The following MEIS2 variants were observed in gnomAD, a reference collection of about 807,000 sequenced individuals.
MEIS2 encodes homeobox protein Meis2.
Under a neutral mutation model 58.6 loss-of-function variants are expected in MEIS2, and 9 were observed. That is an observed-to-expected ratio of 0.15 (90% CI 0.09 to 0.27). The LOEUF (loss-of-function observed/expected upper bound fraction) is 0.27. Ranked by LOEUF, MEIS2 falls within the 10% of genes least tolerant of loss-of-function variation. MEIS2 has a pLI of 1.00. For synonymous variants in MEIS2, 221 were observed against 228.4 expected (o/e 0.97, Z 0.29); for missense variants, 427 against 635.0 (o/e 0.67, Z 3.52).
chr15:36,940,620 G>A (rs987258382), intron 9 of MEIS2, among the ~76,000 whole-genome samples: 17 of 152,094 alleles, frequency 1.1e-4, no homozygotes, highest in Non-Finnish European at 2.2e-4. Context: ...CACATAACTC[G>A]GTTGACTAAA....
At chr15:36,932,602 T>C (rs1445622346) in intron 9 of MEIS2, among the ~76,000 whole-genome samples, 2 of 152,214 alleles carry the variant, frequency 1.3e-5, no homozygotes, top group African/African-American at 2.4e-5. Flanking sequence ...TTTTTGGATT[T>C]AATTGTTAGA....
intron 9 of MEIS2, among the ~76,000 whole-genome samples, chr15:36,937,281 A>C (rs2058212167): frequency 6.6e-6 from 1 of 152,206 alleles, no homozygotes. Context: ...GTCACTCTAG[A>C]CAACCTTGAC....
chr15:37,097,810 A>T (rs1596138065), intron 2 of MEIS2, among the ~76,000 whole-genome samples, 157 bp downstream of exon 2: 1 of 152,168 alleles, frequency 6.6e-6, no homozygotes, highest in East Asian at 1.9e-4. Flanking sequence ...GCAGAAGAGC[A>T]GGCCCCCTCC....
chr15:36,953,999 TATC>T (rs1371798495), intron 8 of MEIS2, among the ~76,000 whole-genome samples: 3 of 152,190 alleles, frequency 2.0e-5, no homozygotes, highest in Non-Finnish European at 4.4e-5. Flanking sequence ...GAAACCAATT[TATC>T]ATAAACTTTA....
rs1476998866 is a variant in MEIS2, at chr15:36,995,980, TATATATATATATATATATA to T, written c.900+40815_900+40833del. Among the ~76,000 whole-genome samples the T allele has an allele frequency of 5.5e-3, 345 of 62,280 alleles. 4 individuals carry two copies. The highest frequency in any genetic ancestry group is 0.011 in the Non-Finnish European group (289 of 26,088). The allele number at this position is 62,280 out of a possible 152,430, so 40.9% of individuals were successfully genotyped here. A position where few individuals can be genotyped will look rare whatever the true frequency, so the allele number is the denominator to read the frequency against. On this transcript the variant is annotated intron_variant, in intron 8 of 11. Transcript: ENST00000561208. ...AGATATATATATATATATATATATATATATATATATATATATATATATGTATATATATATACATATGTGT... is the reference window on the plus strand; with the variant it reads ...AGATATATATATATATATATATATATTATGTATATATATATACATATGTGT...
At chr15:36,957,499 C>G (rs915497197) in intron 8 of MEIS2, among the ~76,000 whole-genome samples, 3 of 152,124 alleles carry the variant, frequency 2.0e-5, no homozygotes, top group African/African-American at 7.2e-5. Context: ...CATGTCCAAG[C>G]CCTACTAATC....
chr15:37,032,698 C>T (rs757404193), intron 8 of MEIS2, among the ~76,000 whole-genome samples: 3 of 151,968 alleles, frequency 2.0e-5, no homozygotes, highest in South Asian at 2.1e-4. Flanking sequence ...AAAGTTTTTG[C>T]TAGTTGAATT....
intron 9 of MEIS2, among the ~76,000 whole-genome samples, chr15:36,938,238 A>G (rs2058246769): frequency 6.6e-6 from 1 of 152,138 alleles, no homozygotes; most frequent in African/African-American, 2.4e-5. Context: ...CAGGACTGCA[A>G]TAACATCTAT....
At chr15:37,001,797 A>T (rs1351122559) in intron 8 of MEIS2, among the ~76,000 whole-genome samples, 1 of 152,204 alleles carries the variant, frequency 6.6e-6, no homozygotes, top group African/African-American at 2.4e-5. Flanking sequence ...CATCCATGGC[A>T]ATAGTTTATA....
intron 11 of MEIS2, chr15:36,894,901 CT>C: frequency 8.7e-7 from 1 of 1,143,848 alleles, no homozygotes; most frequent in Non-Finnish European, 1.3e-6. Flanking sequence ...TTCCTTTTCA[CT>C]TATTGCCTTG....
At chr15:36,940,453 T>C (rs2058334789) in intron 9 of MEIS2, among the ~76,000 whole-genome samples, 1 of 151,552 alleles carries the variant, frequency 6.6e-6, no homozygotes, top group Non-Finnish European at 1.5e-5. Flanking sequence ...AATCCAGGGG[T>C]GGTTGTTTTT....
intron 9 of MEIS2, among the ~76,000 whole-genome samples, chr15:36,938,261 A>G (rs1214420489): frequency 6.6e-6 from 1 of 152,018 alleles, no homozygotes; most frequent in African/African-American, 2.4e-5. Flanking sequence ...CCTCAGACCT[A>G]CCTTTCCCTC....
chr15:37,023,824 T>G lies in MEIS2; in HGVS notation c.900+12990A>C, dbSNP rs1200254473. On this transcript the variant is annotated intron_variant, in intron 8 of 11. Coordinates refer to ENST00000561208, the MANE Select transcript of MEIS2 (RefSeq NM_170675.5). The stretch of plus-strand genomic sequence containing the variant: ...AGCTTTTTCCTGACCTCCCTCAGCT[T>G]TCTTGCTATCTTTACAAAATGTTTG... 2.0e-5 allele frequency among the ~76,000 whole-genome samples: 3 copies of G among 151,870 alleles called. No individual in the cohort carries two copies. In the East Asian group the frequency reaches 5.8e-4, roughly 29 times the overall value.
chr15:37,097,322 C>T (rs1894394427), intron 2 of MEIS2: 1 of 152,174 alleles, frequency 6.6e-6, no homozygotes, highest in South Asian at 2.1e-4. Flanking sequence ...CATCTCACCC[C>T]TCGCCAAGTG....
intron 8 of MEIS2, among the ~76,000 whole-genome samples, chr15:37,010,661 G>T (rs964115874): frequency 6.6e-6 from 1 of 152,210 alleles, no homozygotes; most frequent in Non-Finnish European, 1.5e-5. Context: ...TTGCAGGTTT[G>T]AGCCACGGCA....
At chr15:36,927,867 GTACACA>G (rs1171948268) in intron 9 of MEIS2, among the ~76,000 whole-genome samples, 1 of 151,774 alleles carries the variant, frequency 6.6e-6, no homozygotes, top group Non-Finnish European at 1.5e-5. Flanking sequence ...TACCTCAATG[GTACACA>G]TTATAAAACT....
chr15:36,988,124 C>A (rs889275927), intron 8 of MEIS2, among the ~76,000 whole-genome samples: 16 of 152,154 alleles, frequency 1.1e-4, no homozygotes, highest in African/African-American at 3.9e-4. Context: ...GGTTCTCTTA[C>A]CACAAAAACA....
At chr15:37,094,047 T>G (rs1446210151) in intron 5 of MEIS2, 1 of 339,758 alleles carries the variant, frequency 2.9e-6, no homozygotes, top group East Asian at 5.5e-5. Context: ...GATAATAACA[T>G]CAAAACATTA....
chr15:36,991,634 T>A (rs1024660081), intron 8 of MEIS2, among the ~76,000 whole-genome samples: 1 of 152,072 alleles, frequency 6.6e-6, no homozygotes, highest in East Asian at 1.9e-4. Flanking sequence ...GAAGTAAAAT[T>A]TTTAATTATG....
Sources: allele counts gnomAD v4.1 joint callset (sites outside exome capture counted in the v4.1 genomes callset), GRCh38; gene constraint gnomAD v4.1.1; transcripts MANE v1.5; gene names NCBI Gene and HGNC (gene_info 2026-07-23, HGNC 2026-07-21).